MIB1: variants seen among roughly 807,000 people sequenced by gnomAD.
MIB1 encodes E3 ubiquitin-protein ligase MIB1.
A neutral mutation model predicts 124.5 loss-of-function variants in MIB1; 278 were observed. The ratio of observed to expected loss-of-function variants is 2.23; its 90% confidence interval spans 2.02 to 2.47. MIB1 has a LOEUF of 2.47. Among genes scored for constraint, MIB1 ranks in the 30% most tolerant of loss-of-function variants. MIB1 has a pLI of 0.00. For missense variants in MIB1, 957 were observed against 1,254.4 expected (o/e 0.76, Z 3.58); for synonymous variants, 446 against 429.4 (o/e 1.04, Z -0.48).
chr18:21,710,385 C>T (rs1234361787), intron 1 of MIB1, among the ~76,000 whole-genome samples: 1 of 152,020 alleles, frequency 6.6e-6, no homozygotes, highest in African/African-American at 2.4e-5. Flanking sequence ...TGAGCCACTG[C>T]ACCTGGCCTT....
chr18:21,733,549 T>C (rs748006990), intron 1 of MIB1, among the ~76,000 whole-genome samples: 9 of 152,138 alleles, frequency 5.9e-5, no homozygotes, highest in African/African-American at 9.7e-5. Context: ...AATAAAGGTG[T>C]GAGCCACAGC....
chr18:21,815,056 T>TATATAA (rs1336150496), intron 10 of MIB1, among the ~76,000 whole-genome samples: 5 of 114,262 alleles, frequency 4.4e-5, no homozygotes, highest in South Asian at 2.7e-4. Context: ...TATATATATA[T>TATATAA]AAAATTATAT....
rs1444239976 is a variant in MIB1, at chr18:21,866,337, A to C, written c.*1671A>C. The C allele has an allele frequency of 1.3e-5, 2 of 152,172 alleles. No homozygotes were observed. The highest frequency in any genetic ancestry group is 2.9e-5 in the Non-Finnish European group (2 of 68,022). The allele number at this position is 152,172 out of a possible 1,614,324, so 9.4% of individuals were successfully genotyped here. ...GTAACTGCTATCATTTAGAACAGTA[A>C]AATTTTTATAGATTTCAAATTTGAA... is the stretch of plus-strand genomic sequence containing the variant. On this transcript the variant is annotated 3_prime_UTR_variant, in exon 21 of 21. Transcript: ENST00000261537.
intron 1 of MIB1, among the ~76,000 whole-genome samples, chr18:21,722,472 G>A (rs1451908673): frequency 1.3e-5 from 2 of 152,000 alleles, no homozygotes; most frequent in Non-Finnish European, 2.9e-5. Context: ...CTGGGTTCAG[G>A]CAATTCTCTT....
chr18:21,820,288 T>C (rs2041867199), intron 12 of MIB1, among the ~76,000 whole-genome samples: 1 of 152,232 alleles, frequency 6.6e-6, no homozygotes. Flanking sequence ...CTAAGCATTT[T>C]AGGAAATTCT....
intron 17 of MIB1, among the ~76,000 whole-genome samples, chr18:21,850,310 G>T (rs1316524652): frequency 6.6e-6 from 1 of 151,988 alleles, no homozygotes; most frequent in Non-Finnish European, 1.5e-5. Flanking sequence ...AAACCAAAGA[G>T]CATGTTGGTT....
At chr18:21,724,914 A>T (rs184656644) in intron 1 of MIB1, among the ~76,000 whole-genome samples, 35 of 147,164 alleles carry the variant, frequency 2.4e-4, no homozygotes, top group African/African-American at 8.0e-4. Flanking sequence ...CACATGGTGA[A>T]ATCCTGTCTC....
chr18:21,843,947 G>A (rs910072508), intron 14 of MIB1, 145 bp from the exon 15 acceptor site: 4 of 673,208 alleles, frequency 5.9e-6, no homozygotes, highest in Non-Finnish European at 1.0e-5. Context: ...GGTTGGAGAA[G>A]AGTAGAAGGC....
chr18:21,798,216 A>C lies in MIB1; in HGVS notation c.1225A>C (p.Asn409His). ...GGCATCTGCAGGATCAGCCATTAGC[A>C]ATGCATCTGGTGGTATGTTTTATAT... ...KVASAGSAIS[N>H]ASGERLSQLL... The change falls in exon 8 of 21, where the codon AAT becomes CAT. Residue 409 changes from asparagine to histidine, a missense_variant. Coordinates refer to ENST00000261537, the MANE Select transcript of MIB1 (RefSeq NM_020774.4). 6.2e-7 allele frequency: 1 copy of C among 1,613,010 alleles called. No individual in the cohort carries two copies. Among genetic ancestry groups the C allele is most frequent in the Non-Finnish European group, 8.5e-7 (1 of 1,179,212 alleles).
chr18:21,731,813 CTT>C (rs562337431), intron 1 of MIB1, among the ~76,000 whole-genome samples: 202 of 141,772 alleles, frequency 1.4e-3, no homozygotes, highest in African/African-American at 5.0e-3. Flanking sequence ...ACTTCAAAAA[CTT>C]TGTGGAAAAA....
At chr18:21,725,679 G>A (rs1186370583) in intron 1 of MIB1, among the ~76,000 whole-genome samples, 3 of 152,086 alleles carry the variant, frequency 2.0e-5, no homozygotes, top group Non-Finnish European at 2.9e-5. Flanking sequence ...GTAAATAAAA[G>A]CTTCCTCTTC....
intron 10 of MIB1, among the ~76,000 whole-genome samples, chr18:21,813,889 C>T (rs1324726803): frequency 2.0e-5 from 3 of 152,148 alleles, no homozygotes; most frequent in East Asian, 1.9e-4. Context: ...GGATCAGGGA[C>T]AGACACATGG....
chr18:21,713,339 C>T (rs1203735496), intron 1 of MIB1, among the ~76,000 whole-genome samples: 1 of 144,240 alleles, frequency 6.9e-6, no homozygotes, highest in Non-Finnish European at 1.5e-5. Context: ...GGGCCAGGCG[C>T]GGTGGCTCAC....
intron 2 of MIB1, among the ~76,000 whole-genome samples, chr18:21,766,656 G>A (rs1483221226): frequency 1.3e-5 from 2 of 151,552 alleles, no homozygotes; most frequent in South Asian, 2.1e-4. Flanking sequence ...GATCATAATC[G>A]TGCCACTTAT....
At chr18:21,709,989 G>A (rs888219106) in intron 1 of MIB1, among the ~76,000 whole-genome samples, 1 of 152,166 alleles carries the variant, frequency 6.6e-6, no homozygotes, top group Non-Finnish European at 1.5e-5. Context: ...CCTGTTTTGG[G>A]AATTACAATG....
At position 21,846,964 on chromosome 18, in the gene MIB1, C is replaced by G; in HGVS notation, c.2232C>G (p.Thr744=). 6.2e-7 allele frequency: 1 copy of G among 1,613,482 alleles called. No individual in the cohort carries two copies. The highest frequency in any genetic ancestry group is 8.5e-7 in the Non-Finnish European group (1 of 1,179,778). ...SKNTLIMGLG[T]QGAEKKSAAS... is the part of the protein sequence containing the mutation. ...TGCAGTTAATAATGGGACTTGGTAC[C>G]CAGGGGGCAGAGAAGAAGAGTGCAG... is the stretch of plus-strand genomic sequence containing the variant. Residue 744 remains threonine (T), a synonymous_variant, in exon 16 of 21, where the codon ACC becomes ACG. Coordinates refer to ENST00000261537, the MANE Select transcript of MIB1 (RefSeq NM_020774.4).
At chr18:21,862,073 T>C (rs1457764843) in intron 20 of MIB1, among the ~76,000 whole-genome samples, 1 of 152,134 alleles carries the variant, frequency 6.6e-6, no homozygotes, top group Non-Finnish European at 1.5e-5. Context: ...GGCTAATTTA[T>C]TATTTTTTGT....
chr18:21,729,733 G>A lies in MIB1; in HGVS notation n.167+24610G>A, dbSNP rs142170075. On this transcript the variant is annotated intron_variant and non_coding_transcript_variant, in intron 1 of 20. Transcript: ENST00000578646. ...TCGAACTCCTGGCCTCAAGTGATCCGCCTGCCTCAACCTCCCAAAGTGCTG... is the reference window on the plus strand; with the variant it reads ...TCGAACTCCTGGCCTCAAGTGATCCACCTGCCTCAACCTCCCAAAGTGCTG... 7.8e-3 allele frequency among the ~76,000 whole-genome samples: 1,191 copies of A among 152,042 alleles called. 19 individuals are homozygous for A. Among genetic ancestry groups the A allele is most frequent in the African/African-American group, 0.028 (1,146 of 41,488 alleles).
At chr18:21,756,519 C>T (rs1344720579) in intron 1 of MIB1, among the ~76,000 whole-genome samples, 4 of 151,986 alleles carry the variant, frequency 2.6e-5, no homozygotes, top group Non-Finnish European at 4.4e-5. Flanking sequence ...GGCTGGAGTG[C>T]GGTGGTGCAA....
Sources: gnomAD v4.1 joint callset for allele counts (sites outside exome capture counted in the v4.1 genomes callset) on GRCh38, gnomAD v4.1.1 for gene constraint, MANE v1.5 for transcripts, NCBI Gene and HGNC (gene_info 2026-07-23, HGNC 2026-07-21) for gene names.